Variants in TMEM178B observed in about 807,000 individuals in gnomAD.
TMEM178B encodes transmembrane protein 178B.
Under a neutral mutation model 31.0 loss-of-function variants are expected in TMEM178B, and 5 were observed. The observed-to-expected ratio is 0.16, with a 90% CI of 0.08 to 0.34. The LOEUF (loss-of-function observed/expected upper bound fraction) is 0.34, where lower values mean the gene tolerates loss of function less well. TMEM178B is among the 10% of genes least tolerant of loss of function. The probability of loss-of-function intolerance (pLI) is 1.00; values close to 1 mark genes in which losing one functional copy is unlikely to be tolerated. For missense variants in TMEM178B, 275 were observed against 400.3 expected (o/e 0.69, Z 2.67); for synonymous variants, 164 against 164.0 (o/e 1.00, Z 0.00).
At chr7:141,391,733 T>G (rs1464649043) in intron 2 of TMEM178B, among the ~76,000 whole-genome samples, 1 of 151,898 alleles carries the variant, frequency 6.6e-6, no homozygotes, top group Non-Finnish European at 1.5e-5. Flanking sequence ...CTACTTTCTG[T>G]GTCTATGAAT....
At chr7:141,256,168 G>A (rs551468798) in intron 2 of TMEM178B, among the ~76,000 whole-genome samples, 92 of 152,112 alleles carry the variant, frequency 6.0e-4, no homozygotes, top group African/African-American at 2.1e-3. Context: ...TATATGCTGG[G>A]GATTTAGCAG....
Position 141,171,484 on chromosome 7 carries a change from G to A in TMEM178B, c.383-41107G>A, listed in dbSNP as rs572956191. Among the ~76,000 whole-genome samples, 1 of 152,334 alleles carries A rather than the reference G, an allele frequency of 6.6e-6. No homozygotes were observed. Among genetic ancestry groups the A allele is most frequent in the South Asian group, 2.1e-4 (1 of 4,830 alleles). ...ACTTAGCTGGCAAGTGATGGAGACAGAATTAGAACTCAGGTCTTTTGACTG... is the reference window on the plus strand; with the variant it reads ...ACTTAGCTGGCAAGTGATGGAGACAAAATTAGAACTCAGGTCTTTTGACTG... On this transcript the variant is annotated intron_variant, in intron 1 of 3. Coordinates refer to ENST00000565468, the MANE Select transcript of TMEM178B (RefSeq NM_001195278.2). The surrounding 1 kb of genome is among the most constrained non-coding windows in gnomAD (Gnocchi z 4.3).
intron 2 of TMEM178B, among the ~76,000 whole-genome samples, chr7:141,395,014 T>G (rs1345021635): frequency 6.6e-6 from 1 of 152,198 alleles, no homozygotes; most frequent in Non-Finnish European, 1.5e-5. Context: ...CTACCCTCAG[T>G]ACCCTGCCGC....
In TMEM178B at chr7:141,322,121, C is replaced by G. The variant is rs114149940; in HGVS notation, c.496+109417C>G. Among the ~76,000 whole-genome samples, 695 of 152,204 alleles carry G rather than the reference C, an allele frequency of 4.6e-3. 5 individuals carry two copies. The highest frequency in any genetic ancestry group is 0.015 in the African/African-American group (613 of 41,528). On this transcript the variant is annotated intron_variant, in intron 2 of 3. Transcript: ENST00000565468. ...TCATCATACATCCTTACTACCTGCTCGGTTGTAGAAACTCAATAAATGTAG... is the reference window on the plus strand; with the variant it reads ...TCATCATACATCCTTACTACCTGCTGGGTTGTAGAAACTCAATAAATGTAG...
chr7:141,202,204 A>T (rs909961597), intron 1 of TMEM178B, among the ~76,000 whole-genome samples: 1 of 152,228 alleles, frequency 6.6e-6, no homozygotes, highest in Admixed American at 6.5e-5. Flanking sequence ...TCAAAGCATC[A>T]TTTTGACCAT....
intron 2 of TMEM178B, among the ~76,000 whole-genome samples, chr7:141,316,134 G>T (rs930137547): frequency 1.3e-5 from 2 of 152,168 alleles, no homozygotes; most frequent in Non-Finnish European, 2.9e-5. Context: ...GCACACAGCA[G>T]CTGCTAAACG....
chr7:141,127,679 A>G (rs1795522388), intron 1 of TMEM178B, among the ~76,000 whole-genome samples: 1 of 152,112 alleles, frequency 6.6e-6, no homozygotes, highest in Non-Finnish European at 1.5e-5. Context: ...GAGAGAGTAG[A>G]TTTCTGTTGT....
chr7:141,100,724 G>A (rs1795042757), intron 1 of TMEM178B, among the ~76,000 whole-genome samples: 1 of 152,150 alleles, frequency 6.6e-6, no homozygotes, highest in African/African-American at 2.4e-5. Context: ...GTACATGTAT[G>A]AATGTAGAAT....
intron 2 of TMEM178B, among the ~76,000 whole-genome samples, chr7:141,412,545 G>A (rs755417533): frequency 1.3e-5 from 2 of 152,032 alleles, no homozygotes; most frequent in Non-Finnish European, 2.9e-5. Context: ...GATGTATATT[G>A]ACAAAAAAAA....
rs534117625 is a variant in TMEM178B, at chr7:141,178,655, G to C, written c.383-33936G>C. Among the ~76,000 whole-genome samples, 5 of 152,308 alleles carry C rather than the reference G, an allele frequency of 3.3e-5. No individual in the cohort carries two copies. The South Asian group carries it at 1.0e-3, about 32-fold the overall frequency. On this transcript the variant is annotated intron_variant, in intron 1 of 3. Transcript: ENST00000565468. ...TCATCATCAAAAGGTCAAGTATTCT[G>C]TTTTGCTGTAATGCAATTATGTGCT...
chr7:141,295,673 G>A (rs1798619324), intron 2 of TMEM178B, among the ~76,000 whole-genome samples: 1 of 152,120 alleles, frequency 6.6e-6, no homozygotes, highest in South Asian at 2.1e-4. Flanking sequence ...TTTCTGCAGG[G>A]GGCCAATTCC....
intron 1 of TMEM178B, among the ~76,000 whole-genome samples, chr7:141,141,385 G>T (rs1172580703): frequency 1.3e-5 from 2 of 152,220 alleles, no homozygotes; most frequent in East Asian, 3.9e-4. Context: ...TTTCCAAGGA[G>T]CCCTGGCTCC....
At chr7:141,077,687 T>G (rs1794621130) in intron 1 of TMEM178B, among the ~76,000 whole-genome samples, 1 of 152,236 alleles carries the variant, frequency 6.6e-6, no homozygotes, top group Non-Finnish European at 1.5e-5. Flanking sequence ...AGATGCTTGG[T>G]ATTTGGGAAA....
chr7:141,424,567 A>G (rs529715960), intron 2 of TMEM178B, among the ~76,000 whole-genome samples: 1 of 152,326 alleles, frequency 6.6e-6, no homozygotes, highest in Admixed American at 6.5e-5. Context: ...AATTTTTTAA[A>G]AACAATAAAG....
At chr7:141,467,690 C>T (rs1397296042) in intron 3 of TMEM178B, among the ~76,000 whole-genome samples, 1 of 152,182 alleles carries the variant, frequency 6.6e-6, no homozygotes, top group East Asian at 1.9e-4. Context: ...GCTCTGAAAA[C>T]AGTGCTTGCC....
chr7:141,258,602 C>T (rs1797966875), intron 2 of TMEM178B, among the ~76,000 whole-genome samples: 2 of 152,218 alleles, frequency 1.3e-5, no homozygotes, highest in South Asian at 4.1e-4. Flanking sequence ...TTCCTTTCAG[C>T]CCGAGGGCTT....
chr7:141,142,628 C>T (rs183197112), intron 1 of TMEM178B, among the ~76,000 whole-genome samples: 4 of 152,166 alleles, frequency 2.6e-5, no homozygotes, highest in Admixed American at 2.0e-4. Flanking sequence ...AGGATGGTCT[C>T]GATCTCCTGA....
At chr7:141,104,296 A>G (rs761886814) in intron 1 of TMEM178B, among the ~76,000 whole-genome samples, 1 of 152,198 alleles carries the variant, frequency 6.6e-6, no homozygotes. Flanking sequence ...TTTCGAGCAC[A>G]GTGACCTATG....
chr7:141,081,221 C>G (rs1260409381), intron 1 of TMEM178B, among the ~76,000 whole-genome samples: 2 of 152,072 alleles, frequency 1.3e-5, no homozygotes, highest in Admixed American at 1.3e-4. Context: ...GATTGATGAT[C>G]CCAACCCTCT....
Sources: allele counts gnomAD v4.1 joint callset (sites outside exome capture counted in the v4.1 genomes callset), GRCh38; gene constraint gnomAD v4.1.1; non-coding constraint Gnocchi (gnomAD v3.1); transcripts MANE v1.5; gene names NCBI Gene and HGNC (gene_info 2026-07-23, HGNC 2026-07-21).